The following CYB5R4 variants were observed in gnomAD, a reference collection of about 807,000 sequenced individuals.
CYB5R4 encodes the protein N-terminal cytochrome b5 and cytochrome b5 oxidoreductase domain-containing protein.
CYB5R4 carries 55 observed loss-of-function variants against 70.2 expected under a neutral mutation model. The ratio of observed to expected loss-of-function variants is 0.78; its 90% confidence interval spans 0.63 to 0.98. The LOEUF (loss-of-function observed/expected upper bound fraction) is 0.98, where lower values mean the gene tolerates loss of function less well. Among genes scored for constraint, CYB5R4 ranks in the 50% least tolerant of loss-of-function variants. The pLI, the probability that CYB5R4 is intolerant of heterozygous loss-of-function variation, is 0.00. For synonymous variants in CYB5R4, 197 were observed against 199.5 expected, an observed-to-expected ratio of 0.99 and a Z score of 0.11; for missense variants, 562 against 612.6, an observed-to-expected ratio of 0.92 and a Z score of 0.87.
chr6:83,880,499 T>C lies in CYB5R4; in HGVS notation c.230-13023T>C, dbSNP rs995849988. Among the ~76,000 whole-genome samples, 6 of 152,154 alleles carry C rather than the reference T, an allele frequency of 3.9e-5. No individual in the cohort carries two copies. The South Asian group carries it at 6.2e-4, about 16-fold the overall frequency. ...AGGCAGGGAAACTGATTTTTTTTTTTAAAGAGAATACTTGTGTAATATTGA... is the reference window on the plus strand; with the variant it reads ...AGGCAGGGAAACTGATTTTTTTTTTCAAAGAGAATACTTGTGTAATATTGA... On this transcript the variant is annotated intron_variant, in intron 2 of 15. Coordinates refer to ENST00000369681, the MANE Select transcript of CYB5R4 (RefSeq NM_016230.4).
intron 2 of CYB5R4, among the ~76,000 whole-genome samples, chr6:83,884,915 A>G (rs2099460010): frequency 6.6e-6 from 1 of 152,118 alleles, no homozygotes; most frequent in Non-Finnish European, 1.5e-5. Context: ...ACCCAAAATT[A>G]TTTTTTAATC....
rs540004798 is a variant in CYB5R4, at chr6:83,883,736, A to T, written c.230-9786A>T. Among the ~76,000 whole-genome samples, 6 of 152,320 alleles carry T rather than the reference A, an allele frequency of 3.9e-5. No homozygotes were observed. The South Asian group carries it at 1.2e-3, about 32-fold the overall frequency. On this transcript the variant is annotated intron_variant, in intron 2 of 15. Transcript: ENST00000369681. ...GGAGGTGGTAAATATGTAAGAGAAA[A>T]TACTACTTTTTGTCCTCTTCATTTT...
chr6:83,960,404 A>C lies in CYB5R4; in HGVS notation c.*526A>C, dbSNP rs1192990699. The C allele has an allele frequency of 6.6e-6, 1 of 152,606 alleles. No homozygotes were observed. The highest frequency in any genetic ancestry group is 1.5e-5 in the Non-Finnish European group (1 of 68,046). The allele number at this position is 152,606 out of a possible 1,614,324, so 9.5% of individuals were successfully genotyped here. A position where few individuals can be genotyped will look rare whatever the true frequency, so the allele number is the denominator to read the frequency against. ...TATGGCATTGATGCAGAATAGAATA[A>C]AATTATACTTAAGTTCTTTTTAATC... On this transcript the variant is annotated 3_prime_UTR_variant, in exon 16 of 16. Coordinates refer to ENST00000369681, the MANE Select transcript of CYB5R4 (RefSeq NM_016230.4).
chr6:83,944,606 G>A (rs117371307), intron 14 of CYB5R4, among the ~76,000 whole-genome samples: 7 of 152,144 alleles, frequency 4.6e-5, no homozygotes, highest in Non-Finnish European at 7.4e-5. Context: ...AAATGTAAAC[G>A]GGCTAAATGC....
At chr6:83,870,827 G>GA (rs1454515703) in intron 2 of CYB5R4, among the ~76,000 whole-genome samples, 1 of 152,030 alleles carries the variant, frequency 6.6e-6, no homozygotes, top group East Asian at 1.9e-4. Flanking sequence ...AGAGAGCAGT[G>GA]AAAAAATCTT....
chr6:83,865,018 A>G (rs1014261810), intron 2 of CYB5R4, among the ~76,000 whole-genome samples: 1 of 152,172 alleles, frequency 6.6e-6, no homozygotes, highest in African/African-American at 2.4e-5. Context: ...TGTGTTTACC[A>G]TCTGTTTAGA....
chr6:83,899,729 C>T (rs531457803), intron 3 of CYB5R4, among the ~76,000 whole-genome samples: 1 of 152,278 alleles, frequency 6.6e-6, no homozygotes, highest in South Asian at 2.1e-4. Flanking sequence ...TCCATTTCTT[C>T]TAGATTTTCT....
intron 4 of CYB5R4, chr6:83,910,242 A>G: frequency 9.4e-7 from 1 of 1,061,090 alleles, no homozygotes; most frequent in South Asian, 1.5e-5. Context: ...AGTCAGTCAA[A>G]GTTCTTTCTT....
At chr6:83,870,339 T>G (rs1442010709) in intron 2 of CYB5R4, among the ~76,000 whole-genome samples, 1 of 152,184 alleles carries the variant, frequency 6.6e-6, no homozygotes, top group Non-Finnish European at 1.5e-5. Flanking sequence ...CCAACTATAT[T>G]TCTTTAGATT....
intron 2 of CYB5R4, among the ~76,000 whole-genome samples, chr6:83,888,374 A>T (rs1562830832): frequency 6.6e-6 from 1 of 151,912 alleles, no homozygotes; most frequent in Non-Finnish European, 1.5e-5. Context: ...ATTCGTGGCA[A>T]CTCTGTGTCT....
chr6:83,900,027 C>T (rs1240045773), intron 3 of CYB5R4, among the ~76,000 whole-genome samples: 1 of 152,020 alleles, frequency 6.6e-6, no homozygotes, highest in East Asian at 1.9e-4. Context: ...TGTGTTTGCT[C>T]TTGCTTCTCT....
Position 83,965,427 on chromosome 6 carries a change from C to T in CYB5R4, c.*5549C>T, listed in dbSNP as rs1001232836. The T allele has an allele frequency of 3.3e-5, 5 of 152,184 alleles. No individual in the cohort carries two copies. Among genetic ancestry groups the T allele is most frequent in the African/African-American group, 9.7e-5 (4 of 41,430 alleles). The allele number at this position is 152,184 out of a possible 1,614,324, so 9.4% of individuals were successfully genotyped here. A position where few individuals can be genotyped will look rare whatever the true frequency, so the allele number is the denominator to read the frequency against. On this transcript the variant is annotated 3_prime_UTR_variant, in exon 16 of 16. Coordinates refer to ENST00000369681, the MANE Select transcript of CYB5R4 (RefSeq NM_016230.4). ...GACTGCCCCACTGGATTTTGGACTTCCATGGGCCCTGTAACCCCTTTGTTT... is the reference window on the plus strand; with the variant it reads ...GACTGCCCCACTGGATTTTGGACTTTCATGGGCCCTGTAACCCCTTTGTTT...
In CYB5R4 at chr6:83,919,075, A is replaced by C. The variant is rs185626525; in HGVS notation, c.507-322A>C. 1.5e-4 allele frequency among the ~76,000 whole-genome samples: 23 copies of C among 152,248 alleles called. No individual in the cohort carries two copies. In the East Asian group the frequency reaches 4.0e-3, roughly 27 times the overall value. ...GTGCATTTTTTCATGCTCTTTAACA[A>C]AATATGTTGTTTTGGTTTTGCTCTG... On this transcript the variant is annotated intron_variant, in intron 6 of 15. Coordinates refer to ENST00000369681, the MANE Select transcript of CYB5R4 (RefSeq NM_016230.4).
intron 12 of CYB5R4, among the ~76,000 whole-genome samples, chr6:83,939,810 C>T (rs1366860607): frequency 2.0e-5 from 3 of 152,060 alleles, no homozygotes; most frequent in East Asian, 3.8e-4. Flanking sequence ...GAAATTATAT[C>T]ATAAAACCTC....
chr6:83,938,223 G>A (rs531210769), intron 12 of CYB5R4, among the ~76,000 whole-genome samples: 2 of 152,228 alleles, frequency 1.3e-5, no homozygotes, highest in African/African-American at 2.4e-5. Flanking sequence ...AAGGACTGAC[G>A]CATGATTGTA....
At chr6:83,889,536 A>G (rs536335596) in intron 2 of CYB5R4, among the ~76,000 whole-genome samples, 10 of 152,310 alleles carry the variant, frequency 6.6e-5, no homozygotes, top group African/African-American at 2.2e-4. Flanking sequence ...TTTAAGCTCA[A>G]TGTTGAGACC....
rs1180018563 is a variant in CYB5R4, at chr6:83,924,643, T to C, written c.814+51T>C. 2.5e-6 allele frequency: 4 copies of C among 1,589,296 alleles called. No homozygotes were observed. In the African/African-American group the frequency reaches 5.4e-5, roughly 21 times the overall value. ...AATTTCACATTCATGAAATTGTTGT[T>C]AGTTGTACAGTTGTACCAGAGTTTG... is the stretch of plus-strand genomic sequence containing the variant. On this transcript the variant is annotated intron_variant, in intron 10 of 15. Transcript: ENST00000369681.
intron 3 of CYB5R4, among the ~76,000 whole-genome samples, chr6:83,901,831 C>G (rs1379938624): frequency 1.3e-5 from 2 of 151,538 alleles, no homozygotes; most frequent in East Asian, 3.9e-4. Flanking sequence ...TATTTGTCAT[C>G]TTTTGAGAAT....
intron 4 of CYB5R4, chr6:83,910,373 G>T: frequency 2.0e-6 from 1 of 505,462 alleles, no homozygotes; most frequent in Non-Finnish European, 3.6e-6. Context: ...GGGAGGCTGG[G>T]AGTCATTCTG....
Sources: gnomAD v4.1 joint callset for allele counts (sites outside exome capture counted in the v4.1 genomes callset) on GRCh38, gnomAD v4.1.1 for gene constraint, MANE v1.5 for transcripts, NCBI Gene and HGNC (gene_info 2026-07-23, HGNC 2026-07-21) for gene names.